The following ZNF407 variants were observed in gnomAD, a reference collection of about 807,000 sequenced individuals.
The protein encoded by ZNF407 is zinc finger protein 407.
In ZNF407, 17 loss-of-function variants were observed where a neutral mutation model predicts 131.2. That is an observed-to-expected ratio of 0.13 (90% CI 0.09 to 0.19). The LOEUF (loss-of-function observed/expected upper bound fraction) is 0.19. Among genes scored for constraint, ZNF407 ranks in the 10% least tolerant of loss-of-function variants. The probability of loss-of-function intolerance (pLI) is 1.00; values close to 1 mark genes in which losing one functional copy is unlikely to be tolerated. For missense variants in ZNF407, 2,681 were observed against 2,830.6 expected (o/e 0.95, Z 1.20); for synonymous variants, 1,156 against 1,062.0 (o/e 1.09, Z -1.72).
intron 4 of ZNF407, among the ~76,000 whole-genome samples, chr18:74,785,075 AAAG>A (rs769397971): frequency 6.6e-6 from 1 of 152,240 alleles, no homozygotes; most frequent in Admixed American, 6.5e-5. Flanking sequence ...GAAAACTACC[AAAG>A]AAGAATTTTA....
intron 3 of ZNF407, among the ~76,000 whole-genome samples, chr18:74,730,877 G>A (rs1968279342): frequency 6.6e-6 from 1 of 152,098 alleles, no homozygotes; most frequent in Admixed American, 6.5e-5. Flanking sequence ...GCATAAGGAG[G>A]ATATAAAAGT....
chr18:74,993,795 C>A (rs1972746677), intron 8 of ZNF407, among the ~76,000 whole-genome samples: 1 of 152,160 alleles, frequency 6.6e-6, no homozygotes, highest in African/African-American at 2.4e-5. Flanking sequence ...GTGAACACTC[C>A]TTTGGGTATA....
intron 3 of ZNF407, among the ~76,000 whole-genome samples, chr18:74,737,579 G>A (rs1445465676): frequency 6.6e-6 from 1 of 152,142 alleles, no homozygotes; most frequent in East Asian, 1.9e-4. Flanking sequence ...TTCAACAAAG[G>A]ACCATGAGTG....
intron 4 of ZNF407, among the ~76,000 whole-genome samples, chr18:74,859,217 T>C (rs775451239): frequency 3.9e-5 from 6 of 152,218 alleles, no homozygotes; most frequent in Non-Finnish European, 5.9e-5. Flanking sequence ...AGAAACAATA[T>C]TGTGTTTATG....
intron 1 of ZNF407, among the ~76,000 whole-genome samples, chr18:74,601,801 T>C (rs987632114): frequency 3.3e-5 from 5 of 152,146 alleles, no homozygotes; most frequent in East Asian, 1.9e-4. Flanking sequence ...ACCTCCAACA[T>C]TGGGGACTAC....
chr18:74,623,339 T>TGTGA (rs33974978), intron 1 of ZNF407, among the ~76,000 whole-genome samples: 1 of 99,330 alleles, frequency 1.0e-5, no homozygotes, highest in African/African-American at 3.0e-5. Flanking sequence ...AAACTGCATG[T>TGTGA]GTGAGTGTGA....
chr18:74,791,855 C>T (rs1276524050), intron 4 of ZNF407, among the ~76,000 whole-genome samples: 1 of 152,212 alleles, frequency 6.6e-6, no homozygotes, highest in Non-Finnish European at 1.5e-5. Context: ...GGGATTCACA[C>T]TCAGTAAGTA....
intron 1 of ZNF407, among the ~76,000 whole-genome samples, chr18:74,608,120 A>G (rs571219049): frequency 9.8e-5 from 15 of 152,364 alleles, no homozygotes; most frequent in Admixed American, 8.5e-4. Flanking sequence ...AATAGTCTAG[A>G]AAGTTCCTAT....
At chr18:74,943,607 C>T (rs768845707) in intron 8 of ZNF407, among the ~76,000 whole-genome samples, 7 of 152,300 alleles carry the variant, frequency 4.6e-5, no homozygotes, top group Non-Finnish European at 7.3e-5. Flanking sequence ...TTGATCAATA[C>T]GTTAGACTGT....
At chr18:74,787,673 T>C (rs541551744) in intron 4 of ZNF407, among the ~76,000 whole-genome samples, 57 of 152,332 alleles carry the variant, frequency 3.7e-4, no homozygotes, top group African/African-American at 1.2e-3. Flanking sequence ...TACTTTGATG[T>C]CACGATTCCT....
intron 3 of ZNF407, among the ~76,000 whole-genome samples, chr18:74,767,597 G>A (rs1372078134): frequency 6.7e-6 from 1 of 148,246 alleles, no homozygotes; most frequent in African/African-American, 2.5e-5. Flanking sequence ...TATATCTCAT[G>A]TTATTTTCCT....
At chr18:74,599,943 C>T (rs1296038917) in intron 1 of ZNF407, among the ~76,000 whole-genome samples, 4 of 152,224 alleles carry the variant, frequency 2.6e-5, no homozygotes, top group Non-Finnish European at 5.9e-5. Flanking sequence ...TGGTCCTCCA[C>T]TGAGCGTTTT....
chr18:74,838,386 C>T (rs1970586683), intron 4 of ZNF407, among the ~76,000 whole-genome samples: 3 of 152,162 alleles, frequency 2.0e-5, no homozygotes, highest in Non-Finnish European at 4.4e-5. Context: ...TGTGTTCCTC[C>T]GCTGATACTT....
intron 8 of ZNF407, among the ~76,000 whole-genome samples, chr18:75,057,056 T>C (rs140101683): frequency 7.9e-5 from 12 of 152,334 alleles, no homozygotes; most frequent in African/African-American, 2.6e-4. Context: ...ATGTGAAAAT[T>C]TTTTTAATCG....
Position 74,634,196 on chromosome 18 carries a change from C to T in ZNF407, c.3177C>T (p.Arg1059=), listed in dbSNP as rs373742134. 39 of 1,613,882 alleles carry T rather than the reference C, an allele frequency of 2.4e-5. No individual in the cohort carries two copies. The African/African-American group carries it at 4.1e-4, about 17-fold the overall frequency. Reference sequence around the variant, plus strand: ...GCGATTACTACGCGGTGACTCGTCGCGAGATGACCAGGCATGCAGCAACAG... The same window carrying T: ...GCGATTACTACGCGGTGACTCGTCGTGAGATGACCAGGCATGCAGCAACAG... The part of the protein sequence containing the change: ...MACDYYAVTR[R]EMTRHAATEK... The change falls in exon 2 of 9, where the codon CGC becomes CGT. Residue 1059 remains arginine (R), a synonymous_variant. Transcript: ENST00000299687.
intron 8 of ZNF407, among the ~76,000 whole-genome samples, chr18:74,951,944 G>C (rs1396309991): frequency 1.3e-5 from 2 of 151,568 alleles, no homozygotes; most frequent in African/African-American, 2.4e-5. Context: ...TCATAGAGCA[G>C]ATGAAAACAT....
intron 8 of ZNF407, among the ~76,000 whole-genome samples, chr18:75,003,170 TAA>T (rs1972868079): frequency 6.6e-6 from 1 of 152,242 alleles, no homozygotes; most frequent in African/African-American, 2.4e-5. Flanking sequence ...TTCGAAAACC[TAA>T]AGAGAGCTTA....
chr18:74,709,392 C>T (rs1967703762), intron 3 of ZNF407, among the ~76,000 whole-genome samples: 1 of 152,154 alleles, frequency 6.6e-6, no homozygotes, highest in African/African-American at 2.4e-5. Flanking sequence ...ACAGCCACCA[C>T]CCAAAAATCC....
chr18:74,770,538 C>A (rs1969339566), intron 3 of ZNF407, among the ~76,000 whole-genome samples: 1 of 152,020 alleles, frequency 6.6e-6, no homozygotes, highest in South Asian at 2.1e-4. Context: ...TTATTAAGAA[C>A]CTGGTTAATA....
Sources: gnomAD v4.1 joint callset for allele counts (sites outside exome capture counted in the v4.1 genomes callset) on GRCh38, gnomAD v4.1.1 for gene constraint, MANE v1.5 for transcripts, NCBI Gene and HGNC (gene_info 2026-07-23, HGNC 2026-07-21) for gene names.